Variants in ASCC1 observed in about 807,000 individuals in gnomAD.
The protein encoded by ASCC1 is activating signal cointegrator 1 complex subunit 1.
A neutral mutation model predicts 46.6 loss-of-function variants in ASCC1; 35 were observed. The ratio of observed to expected loss-of-function variants is 0.75; its 90% confidence interval spans 0.57 to 0.99. ASCC1 has a LOEUF of 0.99. Ranked by LOEUF, ASCC1 falls within the 50% of genes least tolerant of loss-of-function variation. ASCC1 has a pLI of 0.00. For synonymous variants in ASCC1, 143 were observed against 146.6 expected (o/e 0.98, Z 0.18); for missense variants, 376 against 428.7 (o/e 0.88, Z 1.09).
At chr10:72,101,277 G>T (rs1841726767) in intron 9 of ASCC1, among the ~76,000 whole-genome samples, 1 of 152,136 alleles carries the variant, frequency 6.6e-6, no homozygotes, top group Admixed American at 6.5e-5. Flanking sequence ...CTTTCTGTAT[G>T]TATGTTCTAC....
At chr10:72,106,315 CA>C (rs1275129207) in intron 9 of ASCC1, among the ~76,000 whole-genome samples, 4 of 152,120 alleles carry the variant, frequency 2.6e-5, no homozygotes, top group Admixed American at 1.3e-4. Context: ...AAAGTAAGTA[CA>C]GGGGGTTCAA....
At chr10:72,153,677 C>T (rs1457634308) in intron 6 of ASCC1, among the ~76,000 whole-genome samples, 1 of 151,974 alleles carries the variant, frequency 6.6e-6, no homozygotes, top group Non-Finnish European at 1.5e-5. Flanking sequence ...CTGCCCGCCT[C>T]AGCCTCCCAA....
rs1358513269 is a variant in ASCC1, at chr10:72,102,508, A to C, written c.958-5058T>G. 1.0e-5 allele frequency: 10 copies of C among 987,394 alleles called. No homozygotes were observed. The East Asian group carries it at 2.7e-4, about 26-fold the overall frequency. The allele number at this position is 987,394 out of a possible 1,614,324, so 61.2% of individuals were successfully genotyped here. ...TAGTTCTTTTTATACTAGGGAAATG[A>C]ACCTTTTTTGTCTATGTTACAAGTT... is the stretch of plus-strand genomic sequence containing the variant. On this transcript the variant is annotated intron_variant, in intron 9 of 9. Transcript: ENST00000672957.
intron 3 of ASCC1, among the ~76,000 whole-genome samples, chr10:72,206,465 G>C (rs1857232363): frequency 6.6e-6 from 1 of 152,138 alleles, no homozygotes. Flanking sequence ...TTTGTCATAA[G>C]GTTGTCGTAA....
In ASCC1 at chr10:72,099,947, G is replaced by A. The variant is rs150916628; in HGVS notation, c.958-2497C>T. On this transcript the variant is annotated intron_variant, in intron 9 of 9. Transcript: ENST00000672957. The stretch of plus-strand genomic sequence containing the variant: ...AGTGCTATGGAAAATTAGTATTTCC[G>A]TAGCAATATGGTATTTCCGTATGGT... Among the ~76,000 whole-genome samples, 592 of 152,206 alleles carry A rather than the reference G, an allele frequency of 3.9e-3. 9 individuals are homozygous for A. Among genetic ancestry groups the A allele is most frequent in the African/African-American group, 8.1e-3 (335 of 41,542 alleles).
intron 9 of ASCC1, among the ~76,000 whole-genome samples, chr10:72,112,064 A>T (rs766703993): frequency 6.6e-6 from 1 of 152,218 alleles, no homozygotes; most frequent in Non-Finnish European, 1.5e-5. Flanking sequence ...TTGTTGATAC[A>T]AAGCCCCCGA....
intron 5 of ASCC1, among the ~76,000 whole-genome samples, chr10:72,180,435 T>A (rs1020336119): frequency 1.3e-5 from 2 of 151,956 alleles, no homozygotes; most frequent in Admixed American, 6.6e-5. Flanking sequence ...GGACCAGTCT[T>A]ACAAATATGG....
intron 5 of ASCC1, among the ~76,000 whole-genome samples, chr10:72,192,523 T>C (rs1328724957): frequency 6.6e-6 from 1 of 151,486 alleles, no homozygotes; most frequent in Non-Finnish European, 1.5e-5. Flanking sequence ...TGAGACAGTC[T>C]CACTTTGTCA....
intron 9 of ASCC1, among the ~76,000 whole-genome samples, chr10:72,123,381 A>G (rs1844458789): frequency 6.6e-6 from 1 of 152,098 alleles, no homozygotes; most frequent in African/African-American, 2.4e-5. Context: ...AAATAACTGA[A>G]AAGAGGAACT....
intron 4 of ASCC1, 26 bp downstream of exon 4, chr10:72,203,401 T>G: frequency 6.5e-7 from 1 of 1,529,206 alleles, no homozygotes. Context: ...TGACTTCAAA[T>G]GTAACTTATA....
chr10:72,097,211 G>A lies in ASCC1; in HGVS notation c.*123C>T, dbSNP rs544233635. The A allele has an allele frequency of 1.7e-5, 13 of 779,208 alleles. No individual in the cohort carries two copies. Among genetic ancestry groups the A allele is most frequent in the Non-Finnish European group, 2.8e-5 (12 of 428,876 alleles). 48.3% of individuals were successfully genotyped at this position (779,208 alleles called of 1,614,324 possible). On this transcript the variant is annotated 3_prime_UTR_variant, in exon 10 of 10. Transcript: ENST00000672957. ...CCATTAGAGGCAATGGTGAATCTAT[G>A]GGGAACCACCCAGGAAAGTCACCAT...
intron 5 of ASCC1, among the ~76,000 whole-genome samples, chr10:72,172,833 T>C (rs1027892740): frequency 7.5e-6 from 1 of 133,668 alleles, no homozygotes; most frequent in African/African-American, 2.8e-5. Flanking sequence ...ATATTTTATA[T>C]TTTTATATTA....
At chr10:72,108,704 A>G (rs1474040260) in intron 9 of ASCC1, among the ~76,000 whole-genome samples, 2 of 152,200 alleles carry the variant, frequency 1.3e-5, no homozygotes, top group African/African-American at 4.8e-5. Flanking sequence ...CTCCATCTTT[A>G]AACAGGGATG....
chr10:72,215,735 G>GC (rs1054065807), intron 1 of ASCC1: 1 of 152,232 alleles, frequency 6.6e-6, no homozygotes, highest in Non-Finnish European at 1.5e-5. Flanking sequence ...ACATGGCCCT[G>GC]CGCTACGAGA....
intron 3 of ASCC1, among the ~76,000 whole-genome samples, chr10:72,206,282 T>A (rs1857202128): frequency 6.6e-6 from 1 of 151,858 alleles, no homozygotes; most frequent in South Asian, 2.1e-4. Flanking sequence ...CGCATGCCTA[T>A]AATCCCAGCT....
At chr10:72,160,771 T>A in intron 6 of ASCC1, among the ~76,000 whole-genome samples, 2 of 140,496 alleles carry the variant, frequency 1.4e-5, no homozygotes, top group African/African-American at 2.8e-5. Flanking sequence ...TCAAATAAAA[T>A]TATTTGTATT....
intron 5 of ASCC1, among the ~76,000 whole-genome samples, chr10:72,184,682 C>T (rs1213696093): frequency 6.6e-6 from 1 of 151,834 alleles, no homozygotes; most frequent in Admixed American, 6.6e-5. Flanking sequence ...ACACTCCTCT[C>T]TCCGCAACTA....
chr10:72,180,887 G>T, intron 5 of ASCC1: 1 of 189,890 alleles, frequency 5.3e-6, no homozygotes, highest in Non-Finnish European at 1.1e-5. Flanking sequence ...GTTCAAGGCA[G>T]CTTCCCTGTT....
intron 4 of ASCC1, among the ~76,000 whole-genome samples, chr10:72,200,664 CA>C (rs1038037776): frequency 0.016 from 1,600 of 98,836 alleles, 19 homozygotes; most frequent in African/African-American, 0.036. Context: ...AACTCCATCT[CA>C]AAAAAAAAAA....
Sources: allele counts gnomAD v4.1 joint callset (sites outside exome capture counted in the v4.1 genomes callset), GRCh38; gene constraint gnomAD v4.1.1; transcripts MANE v1.5; gene names NCBI Gene and HGNC (gene_info 2026-07-23, HGNC 2026-07-21).